The following TACC1 variants were observed in gnomAD, a reference collection of about 807,000 sequenced individuals.
TACC1 encodes transforming acidic coiled-coil containing protein 1.
In TACC1, 48 loss-of-function variants were observed where a neutral mutation model predicts 84.4. The ratio of observed to expected loss-of-function variants is 0.57; its 90% CI spans 0.45 to 0.72. TACC1 has a LOEUF of 0.72. TACC1 is among the 30% of genes least tolerant of loss of function. TACC1 has a pLI of 0.00. For missense variants in TACC1, 920 were observed against 973.0 expected (o/e 0.95, Z 0.72); for synonymous variants, 372 against 376.3 (o/e 0.99, Z 0.13).
intron 1 of TACC1, chr8:38,728,842 C>G (rs1170561033): frequency 1.3e-5 from 2 of 152,250 alleles, no homozygotes; most frequent in Admixed American, 1.3e-4. Flanking sequence ...TTTTCCCTCT[C>G]TCTTTCCAAG....
intron 5 of TACC1, chr8:38,827,590 T>C (rs1041271150): frequency 8.5e-6 from 5 of 585,188 alleles, no homozygotes; most frequent in Admixed American, 3.1e-5. Flanking sequence ...ACAAGTTGTA[T>C]AGGAGATGCT....
At chr8:38,788,846 C>T in intron 2 of TACC1, 27 bp downstream of exon 2, 2 of 1,546,104 alleles carry the variant, frequency 1.3e-6, no homozygotes, top group Non-Finnish European at 8.8e-7. Context: ...ATTTTTCCTG[C>T]CTGTTTTGTT....
At chr8:38,815,253 C>A (rs949794870) in intron 2 of TACC1, among the ~76,000 whole-genome samples, 7 of 152,182 alleles carry the variant, frequency 4.6e-5, no homozygotes, top group Non-Finnish European at 7.3e-5. Flanking sequence ...TAAAAGGTCA[C>A]GTGTATTAAG....
chr8:38,772,149 T>C (rs775818058), intron 3 of TACC1, among the ~76,000 whole-genome samples: 13 of 152,084 alleles, frequency 8.5e-5, no homozygotes, highest in Non-Finnish European at 1.8e-4. Flanking sequence ...AGACCAGCAG[T>C]CCTTGGTGGT....
At position 38,846,678 on chromosome 8, in the gene TACC1, A is replaced by C. The variant is rs6997066; in HGVS notation, c.2229-21A>C. ...ATCATGTGCTTTTTGTCTCTTTATTACACCCAAACACCATAAACAGAGCCA... is the reference window on the plus strand; with the variant it reads ...ATCATGTGCTTTTTGTCTCTTTATTCCACCCAAACACCATAAACAGAGCCA... On this transcript the variant is annotated intron_variant, in intron 11 of 12. Transcript: ENST00000317827. The C allele has an allele frequency of 0.011, 17,518 of 1,613,148 alleles. 1,154 individuals are homozygous for C. The African/African-American group carries it at 0.17, about 16-fold the overall frequency.
intron 2 of TACC1, among the ~76,000 whole-genome samples, chr8:38,801,595 A>G (rs1821378182): frequency 6.6e-6 from 1 of 152,210 alleles, no homozygotes; most frequent in Non-Finnish European, 1.5e-5. Flanking sequence ...TTATGCTGGT[A>G]CCACCACACT....
At chr8:38,812,670 A>G (rs1194810301) in intron 2 of TACC1, among the ~76,000 whole-genome samples, 4 of 152,226 alleles carry the variant, frequency 2.6e-5, no homozygotes, top group Non-Finnish European at 5.9e-5. Context: ...TTAAAAACTC[A>G]TGGCTTCCTG....
chr8:38,772,065 G>C (rs1347901125), intron 3 of TACC1, among the ~76,000 whole-genome samples: 1 of 151,892 alleles, frequency 6.6e-6, no homozygotes, highest in African/African-American at 2.4e-5. Context: ...AAGGAAGGAA[G>C]GCAGGCAAGC....
chr8:38,763,433 A>G (rs1036766335), intron 3 of TACC1, among the ~76,000 whole-genome samples: 1 of 152,172 alleles, frequency 6.6e-6, no homozygotes, highest in Non-Finnish European at 1.5e-5. Flanking sequence ...CTAAGATTAC[A>G]GGTGTGAGCC....
intron 4 of TACC1, among the ~76,000 whole-genome samples, chr8:38,825,978 A>G (rs866220416): frequency 1.3e-5 from 2 of 152,264 alleles, no homozygotes; most frequent in South Asian, 4.1e-4. Context: ...GTTACATTCT[A>G]GCAATAAATA....
intron 3 of TACC1, among the ~76,000 whole-genome samples, chr8:38,753,663 AAC>A (rs1310723672): frequency 6.6e-6 from 1 of 152,174 alleles, no homozygotes; most frequent in Non-Finnish European, 1.5e-5. Flanking sequence ...TCACAAAGAC[AAC>A]ACTTCCCTTC....
intron 5 of TACC1, chr8:38,828,212 T>C (rs1437156278): frequency 6.6e-6 from 1 of 152,232 alleles, no homozygotes; most frequent in African/African-American, 2.4e-5. Flanking sequence ...GCTTTGCATA[T>C]ACTCATTCAT....
At chr8:38,766,259 GTTTGTACA>G (rs1812227539) in intron 3 of TACC1, among the ~76,000 whole-genome samples, 1 of 152,070 alleles carries the variant, frequency 6.6e-6, no homozygotes, top group African/African-American at 2.4e-5. Context: ...TTTTTTCATT[GTTTGTACA>G]ATTGTACAAT....
At position 38,827,316 on chromosome 8, in the gene TACC1, T is replaced by A; in HGVS notation, c.1601T>A (p.Phe534Tyr). The A allele has an allele frequency of 6.2e-7, 1 of 1,614,218 alleles. No homozygotes were observed. Among genetic ancestry groups the A allele is most frequent in the Non-Finnish European group, 8.5e-7 (1 of 1,180,034 alleles). Residue 534 changes from phenylalanine to tyrosine, a missense_variant, in exon 5 of 13, where the codon TTT (phenylalanine) becomes TAT (tyrosine). Coordinates refer to ENST00000317827, the MANE Select transcript of TACC1 (RefSeq NM_006283.3). ...KGEPEEDLEYFECSNVPVSTI... is the reference protein window; with the variant it reads ...KGEPEEDLEYYECSNVPVSTI... The stretch of plus-strand genomic sequence containing the variant: ...GAGCCAGAGGAAGACCTGGAGTACT[T>A]TGAATGTTCCAATGTTCCTGTGTCT...
Position 38,742,349 on chromosome 8 carries a change from A to G in TACC1, c.-674-2A>G. On this transcript the variant is annotated splice_acceptor_variant, in intron 1 of 14. Transcript: ENST00000518415. LOFTEE classifies it low-confidence loss of function (5UTR_SPLICE). ...CTCCCACCTGACTTAATTCTCTTCC[A>G]GTCCCAAGGGTTCCAAGGCCAGAGA... 6 of 1,348,908 alleles carry G rather than the reference A, an allele frequency of 4.4e-6. No individual in the cohort carries two copies. Among genetic ancestry groups the G allele is most frequent in the Non-Finnish European group, 5.9e-6 (6 of 1,012,622 alleles). The allele number at this position is 1,348,908 out of a possible 1,614,324, so 83.6% of individuals were successfully genotyped here.
At chr8:38,817,180 A>T (rs1825619725) in intron 2 of TACC1, among the ~76,000 whole-genome samples, 1 of 151,860 alleles carries the variant, frequency 6.6e-6, no homozygotes, top group South Asian at 2.1e-4. Flanking sequence ...CCTTGATATA[A>T]TCAAGACTCA....
intron 3 of TACC1, among the ~76,000 whole-genome samples, chr8:38,782,190 TC>T (rs2151948789): frequency 6.6e-6 from 1 of 151,730 alleles, no homozygotes; most frequent in South Asian, 2.1e-4. Flanking sequence ...CCCACAACAG[TC>T]CCCAGAGTGT....
chr8:38,781,909 C>T (rs984677360), intron 3 of TACC1, among the ~76,000 whole-genome samples: 2 of 151,674 alleles, frequency 1.3e-5, no homozygotes, highest in Non-Finnish European at 2.9e-5. Flanking sequence ...TGGACTTGGA[C>T]AGCCCTCTTT....
At chr8:38,730,116 G>A (rs964348305) in intron 1 of TACC1, among the ~76,000 whole-genome samples, 3 of 152,238 alleles carry the variant, frequency 2.0e-5, no homozygotes, top group African/African-American at 7.2e-5. Context: ...TGCCTAGACT[G>A]AAAATGACTG....
Sources: allele counts gnomAD v4.1 joint callset (sites outside exome capture counted in the v4.1 genomes callset), GRCh38; gene constraint gnomAD v4.1.1; transcripts MANE v1.5; gene names NCBI Gene and HGNC (gene_info 2026-07-23, HGNC 2026-07-21).